RNF220: variants seen among roughly 807,000 people sequenced by gnomAD.
RNF220 encodes the protein E3 ubiquitin-protein ligase RNF220.
Under a neutral mutation model 67.1 loss-of-function variants are expected in RNF220, and 7 were observed. The observed-to-expected ratio is 0.10, with a 90% CI of 0.06 to 0.20. The LOEUF (loss-of-function observed/expected upper bound fraction) is 0.20. RNF220 is among the 10% of genes least tolerant of loss of function. RNF220 has a pLI of 1.00. For missense variants in RNF220, 565 were observed against 740.3 expected, an observed-to-expected ratio of 0.76 and a Z score of 2.75; for synonymous variants, 270 against 283.2, an observed-to-expected ratio of 0.95 and a Z score of 0.47.
rs556040301 is a variant in RNF220, at chr1:44,604,635, C to T, written c.626-9530C>T. Among the ~76,000 whole-genome samples the T allele has an allele frequency of 1.0e-3, 155 of 152,372 alleles. No homozygotes were observed. In the Middle Eastern group the frequency reaches 0.017, roughly 17 times the overall value. ...CTGGAGCCTTTGGCTCCAGCTTGAG[C>T]CCAAGTCTGAGCCTAAACCTGTCCA... On this transcript the variant is annotated intron_variant, in intron 2 of 14. Coordinates refer to ENST00000361799, the MANE Select transcript of RNF220 (RefSeq NM_018150.4).
At chr1:44,502,724 C>T (rs537968692) in intron 2 of RNF220, among the ~76,000 whole-genome samples, 50 of 151,868 alleles carry the variant, frequency 3.3e-4, no homozygotes, top group Non-Finnish European at 6.8e-4. Flanking sequence ...ATTTGACAAG[C>T]GAATACTACA....
intron 2 of RNF220, among the ~76,000 whole-genome samples, chr1:44,489,747 G>A (rs955159981): frequency 2.0e-5 from 3 of 152,236 alleles, no homozygotes; most frequent in South Asian, 2.1e-4. Context: ...CTTCAACTGT[G>A]TAATGCCTGG....
intron 2 of RNF220, among the ~76,000 whole-genome samples, chr1:44,486,028 T>C (rs139268150): frequency 2.6e-5 from 4 of 152,352 alleles, no homozygotes; most frequent in African/African-American, 9.6e-5. Context: ...TGTCATTTTA[T>C]TTTTTATTTA....
intron 2 of RNF220, among the ~76,000 whole-genome samples, chr1:44,507,734 C>G (rs761751048): frequency 6.6e-6 from 1 of 152,104 alleles, no homozygotes; most frequent in Non-Finnish European, 1.5e-5. Flanking sequence ...GTGAAGTGGC[C>G]GGTGTGGGCG....
intron 5 of RNF220, among the ~76,000 whole-genome samples, chr1:44,628,467 A>G (rs981695691): frequency 2.5e-4 from 38 of 152,220 alleles, no homozygotes; most frequent in African/African-American, 9.2e-4. Context: ...TCCCATCCCA[A>G]TACCACTTGG....
At chr1:44,634,793 CT>C (rs1368702717) in intron 6 of RNF220, among the ~76,000 whole-genome samples, 3 of 152,232 alleles carry the variant, frequency 2.0e-5, no homozygotes, top group South Asian at 2.1e-4. Context: ...ACTGAGCCCC[CT>C]GTGGGACAAC....
chr1:44,566,133 G>C (rs1663994339), intron 2 of RNF220, among the ~76,000 whole-genome samples: 1 of 151,950 alleles, frequency 6.6e-6, no homozygotes, highest in African/African-American at 2.4e-5. Flanking sequence ...CCCTTCCCCA[G>C]GGGCAGGGAC....
chr1:44,634,166 A>G (rs372875434), intron 6 of RNF220, among the ~76,000 whole-genome samples: 2 of 152,350 alleles, frequency 1.3e-5, no homozygotes, highest in African/African-American at 4.8e-5. Flanking sequence ...CTGGAGCCCT[A>G]GCACACTCAC....
chr1:44,598,495 G>A (rs1381760562), intron 2 of RNF220, among the ~76,000 whole-genome samples: 2 of 152,160 alleles, frequency 1.3e-5, no homozygotes, highest in South Asian at 2.1e-4. Context: ...CCCACACGCC[G>A]GTAATTGAAA....
chr1:44,456,542 A>G (rs1187062891), intron 2 of RNF220, among the ~76,000 whole-genome samples: 3 of 152,214 alleles, frequency 2.0e-5, no homozygotes, highest in Non-Finnish European at 4.4e-5. Context: ...GGCACTGGGA[A>G]TACAGCAGTG....
At chr1:44,531,130 C>T (rs1419354667) in intron 2 of RNF220, among the ~76,000 whole-genome samples, 1 of 152,134 alleles carries the variant, frequency 6.6e-6, no homozygotes, top group African/African-American at 2.4e-5. Flanking sequence ...ATGATCCAAA[C>T]CCTTTTAAAA....
At position 44,638,047 on chromosome 1, in the gene RNF220, G is replaced by C. The variant is rs548886071; in HGVS notation, c.1126+1885G>C. 1.2e-4 allele frequency among the ~76,000 whole-genome samples: 19 copies of C among 152,338 alleles called. No individual in the cohort carries two copies. The East Asian group carries it at 1.4e-3, about 11-fold the overall frequency. The stretch of plus-strand genomic sequence containing the variant: ...CGGAGGAGGCTGAGGCTCCTCAGTG[G>C]GGGGGCTATCAAAGGGAGGCCCTGG... On this transcript the variant is annotated intron_variant, in intron 8 of 14. Transcript: ENST00000361799.
At chr1:44,446,615 A>C (rs1448509981) in intron 2 of RNF220, among the ~76,000 whole-genome samples, 1 of 147,914 alleles carries the variant, frequency 6.8e-6, no homozygotes, top group Non-Finnish European at 1.5e-5. Context: ...GCTGGAGTGC[A>C]GTGGCGTGAT....
At chr1:44,503,511 C>A (rs146590451) in intron 2 of RNF220, among the ~76,000 whole-genome samples, 2 of 152,178 alleles carry the variant, frequency 1.3e-5, no homozygotes, top group Admixed American at 6.6e-5. Flanking sequence ...CCACACTGCC[C>A]TCATCCAATA....
intron 2 of RNF220, among the ~76,000 whole-genome samples, chr1:44,552,815 C>T (rs565196358): frequency 2.6e-5 from 4 of 152,022 alleles, no homozygotes; most frequent in Non-Finnish European, 4.4e-5. Flanking sequence ...GTGATCCGCC[C>T]GCCTTGGCCT....
At chr1:44,504,382 C>T (rs971563774) in intron 2 of RNF220, among the ~76,000 whole-genome samples, 2 of 152,182 alleles carry the variant, frequency 1.3e-5, no homozygotes, top group Admixed American at 1.3e-4. Flanking sequence ...GACACGGACA[C>T]TTTTAAGGAC....
chr1:44,502,334 G>T (rs887252821), intron 2 of RNF220, among the ~76,000 whole-genome samples: 4 of 152,120 alleles, frequency 2.6e-5, no homozygotes, highest in East Asian at 3.9e-4. Flanking sequence ...AGCTCTAGGG[G>T]TTCTACAACC....
intron 2 of RNF220, among the ~76,000 whole-genome samples, chr1:44,441,061 C>T (rs866480734): frequency 1.6e-4 from 24 of 152,172 alleles, no homozygotes; most frequent in African/African-American, 5.8e-4. Flanking sequence ...CTTGGCTCAT[C>T]CCCTCACCTA....
intron 2 of RNF220, among the ~76,000 whole-genome samples, chr1:44,550,747 C>G (rs998199281): frequency 6.6e-6 from 1 of 152,152 alleles, no homozygotes; most frequent in African/African-American, 2.4e-5. Context: ...ATGAAGGTTT[C>G]CAGCCCGTTT....
Sources: allele counts gnomAD v4.1 joint callset (sites outside exome capture counted in the v4.1 genomes callset), GRCh38; gene constraint gnomAD v4.1.1; transcripts MANE v1.5; gene names NCBI Gene and HGNC (gene_info 2026-07-23, HGNC 2026-07-21).